The following DPP10 variants were observed in gnomAD, a reference collection of about 807,000 sequenced individuals.
The protein encoded by DPP10 is inactive dipeptidyl peptidase 10.
A neutral mutation model predicts 120.9 loss-of-function variants in DPP10; 33 were observed. The observed-to-expected ratio is 0.27, with a 90% CI of 0.21 to 0.37. DPP10 has a LOEUF of 0.37. Ranked by LOEUF, DPP10 falls within the 10% of genes least tolerant of loss-of-function variation. DPP10 has a pLI of 1.00. For missense variants in DPP10, 816 were observed against 942.8 expected, an observed-to-expected ratio of 0.87 and a Z score of 1.76; for synonymous variants, 337 against 326.1, an observed-to-expected ratio of 1.03 and a Z score of -0.36.
chr2:114,767,608 G>T (rs945013382), intron 1 of DPP10, among the ~76,000 whole-genome samples: 6 of 151,988 alleles, frequency 3.9e-5, no homozygotes, highest in Non-Finnish European at 8.8e-5. Context: ...TTAGACCAAG[G>T]GTTGCTAAAG....
chr2:115,414,511 G>A (rs2069214617), intron 3 of DPP10, among the ~76,000 whole-genome samples: 1 of 152,118 alleles, frequency 6.6e-6, no homozygotes, highest in Admixed American at 6.5e-5. Flanking sequence ...AGTCTATTAT[G>A]TGTTTTCAGA....
At chr2:115,398,032 T>G (rs942215792) in intron 3 of DPP10, among the ~76,000 whole-genome samples, 1 of 152,142 alleles carries the variant, frequency 6.6e-6, no homozygotes, top group Non-Finnish European at 1.5e-5. Flanking sequence ...GTGATGAAAT[T>G]TATGGATGCT....
intron 3 of DPP10, among the ~76,000 whole-genome samples, chr2:115,416,498 A>G (rs748035700): frequency 8.5e-5 from 13 of 152,242 alleles, no homozygotes; most frequent in Non-Finnish European, 1.8e-4. Context: ...TGCATGAAAA[A>G]TTATTAGTCC....
chr2:114,643,712 C>A (rs1314262565), intron 1 of DPP10, among the ~76,000 whole-genome samples: 1 of 151,620 alleles, frequency 6.6e-6, no homozygotes, highest in Non-Finnish European at 1.5e-5. Context: ...CTAGGTAGAT[C>A]CTCCATTCTT....
intron 1 of DPP10, among the ~76,000 whole-genome samples, chr2:114,702,258 G>A (rs1297711499): frequency 6.6e-6 from 1 of 152,072 alleles, no homozygotes; most frequent in Non-Finnish European, 1.5e-5. Flanking sequence ...GGGGGGCATG[G>A]TCAGAAGAAC....
At chr2:115,272,451 G>C (rs1480033828) in intron 1 of DPP10, among the ~76,000 whole-genome samples, 1 of 152,126 alleles carries the variant, frequency 6.6e-6, no homozygotes, top group Non-Finnish European at 1.5e-5. Context: ...AATATATTCT[G>C]AGTTTGAAAT....
chr2:115,261,521 AT>A (rs1379341985), intron 1 of DPP10, among the ~76,000 whole-genome samples: 1 of 152,150 alleles, frequency 6.6e-6, no homozygotes, highest in Admixed American at 6.5e-5. Context: ...CTATAATCCA[AT>A]TTATCACTTG....
intron 1 of DPP10, among the ~76,000 whole-genome samples, chr2:114,917,211 C>T (rs764513000): frequency 3.4e-4 from 51 of 152,098 alleles, no homozygotes; most frequent in Admixed American, 2.6e-3. Context: ...AACCCAATCC[C>T]GTTCACAGTC....
intron 1 of DPP10, among the ~76,000 whole-genome samples, chr2:114,991,002 T>A (rs1306249395): frequency 6.6e-6 from 1 of 152,126 alleles, no homozygotes; most frequent in African/African-American, 2.4e-5. Flanking sequence ...CAAAATAAGG[T>A]TTTTGTACAT....
chr2:115,404,950 A>G (rs1454727403), intron 3 of DPP10, among the ~76,000 whole-genome samples: 1 of 152,220 alleles, frequency 6.6e-6, no homozygotes, highest in Admixed American at 6.5e-5. Context: ...ATGGTTCAAC[A>G]TGAGTTTTGG....
At chr2:114,651,196 T>G (rs139405004) in intron 1 of DPP10, among the ~76,000 whole-genome samples, 1 of 152,292 alleles carries the variant, frequency 6.6e-6, no homozygotes, top group Non-Finnish European at 1.5e-5. Context: ...CGAACTAACA[T>G]GCACTTGACT....
chr2:115,836,765 G>A lies in DPP10; in HGVS notation c.2182+19G>A, dbSNP rs199536777. 363 of 1,605,224 alleles carry A rather than the reference G, an allele frequency of 2.3e-4. No homozygotes were observed. Among genetic ancestry groups the A allele is most frequent in the South Asian group, 3.0e-4 (27 of 89,560 alleles). On this transcript the variant is annotated intron_variant, in intron 24 of 25. Transcript: ENST00000410059. ...GCTGACAGTAAGTATTATACTTGCC[G>A]CTGCTGTTTGATAGGGTATGACCTT...
At chr2:115,163,548 C>T (rs140111714) in intron 1 of DPP10, among the ~76,000 whole-genome samples, 95 of 152,342 alleles carry the variant, frequency 6.2e-4, no homozygotes, top group African/African-American at 2.1e-3. Flanking sequence ...TTTTATACCC[C>T]TTCCTCCTAA....
intron 1 of DPP10, among the ~76,000 whole-genome samples, chr2:114,646,828 C>A (rs1696174470): frequency 6.6e-6 from 1 of 152,154 alleles, no homozygotes; most frequent in Non-Finnish European, 1.5e-5. Context: ...TTAACTCATT[C>A]CTCTTTCTCC....
In DPP10 at chr2:115,072,217, A is replaced by G. The variant is rs151030291; in HGVS notation, c.61-237022A>G. On this transcript the variant is annotated intron_variant, in intron 1 of 25. Transcript: ENST00000410059. ...ATCACCTGATGGTTATCTGAACGAG[A>G]GCCCGACTGAAGAGGCTGACAATCA... 7.9e-5 allele frequency among the ~76,000 whole-genome samples: 12 copies of G among 152,258 alleles called. No homozygotes were observed. In the East Asian group the frequency reaches 2.3e-3, roughly 29 times the overall value.
chr2:114,969,780 G>T (rs554656966), intron 1 of DPP10, among the ~76,000 whole-genome samples: 1 of 152,238 alleles, frequency 6.6e-6, no homozygotes, highest in South Asian at 2.1e-4. Context: ...CTGTCATTGG[G>T]CTGAATGAAC....
intron 1 of DPP10, among the ~76,000 whole-genome samples, chr2:115,197,683 A>G (rs1263984453): frequency 6.6e-6 from 1 of 152,164 alleles, no homozygotes; most frequent in Non-Finnish European, 1.5e-5. Context: ...AGATGACTTT[A>G]TCTGGGTAGC....
chr2:115,806,587 T>A (rs1426663201), intron 19 of DPP10, among the ~76,000 whole-genome samples: 1 of 152,180 alleles, frequency 6.6e-6, no homozygotes, highest in African/African-American at 2.4e-5. Flanking sequence ...CATGATGCCC[T>A]ACCAAGGATG....
In DPP10 at chr2:115,389,325, A is replaced by G. The variant is rs140780482; in HGVS notation, c.271+45413A>G. Among the ~76,000 whole-genome samples, 190 of 151,944 alleles carry G rather than the reference A, an allele frequency of 1.3e-3. 1 individual carries two copies. The highest frequency in any genetic ancestry group is 2.1e-3 in the Non-Finnish European group (146 of 67,942). Reference sequence around the variant, plus strand: ...CTCATACTCATTCTACTTCATTTCAATTTGAACTACATGTGGCTTACTACG... The same window carrying G: ...CTCATACTCATTCTACTTCATTTCAGTTTGAACTACATGTGGCTTACTACG... On this transcript the variant is annotated intron_variant, in intron 3 of 25. Coordinates refer to ENST00000410059, the MANE Select transcript of DPP10 (RefSeq NM_020868.6).
Sources: gnomAD v4.1 joint callset for allele counts (sites outside exome capture counted in the v4.1 genomes callset) on GRCh38, gnomAD v4.1.1 for gene constraint, MANE v1.5 for transcripts, NCBI Gene and HGNC (gene_info 2026-07-23, HGNC 2026-07-21) for gene names.